ABI3BP: variants seen among roughly 807,000 people sequenced by gnomAD.
The protein encoded by ABI3BP is ABI family member 3 binding protein.
In ABI3BP, 216 loss-of-function variants were observed where a neutral mutation model predicts 268.6. The ratio of observed to expected loss-of-function variants is 0.80; its 90% CI spans 0.72 to 0.90. The LOEUF (loss-of-function observed/expected upper bound fraction) is 0.90. Among genes scored for constraint, ABI3BP ranks in the 40% least tolerant of loss-of-function variants. The pLI is 0.00. For synonymous variants in ABI3BP, 730 were observed against 730.0 expected, an observed-to-expected ratio of 1.00 and a Z score of 0.00; for missense variants, 2,090 against 2,182.4, an observed-to-expected ratio of 0.96 and a Z score of 0.84.
rs754106573 is a variant in ABI3BP, at chr3:100,751,596, C to T, written c.5201G>A (p.Arg1734His). 1.4e-5 allele frequency: 23 copies of T among 1,598,364 alleles called. No homozygotes were observed. Among genetic ancestry groups the T allele is most frequent in the East Asian group, 1.1e-4 (5 of 44,528 alleles). The change falls in exon 67 of 68, where the codon CGC (arginine) becomes CAC (histidine). Residue 1734 changes from arginine (R) to histidine (H), a missense_variant. By Grantham distance (29) the Arg-to-His change is conservative (BLOSUM62 0). Transcript: ENST00000471714. ...GTCAGAAGTGAGTTGCTGCCCAGTGCGTCCATCTAAAAATGAATCCACAAA... is the reference window on the plus strand; with the variant it reads ...GTCAGAAGTGAGTTGCTGCCCAGTGTGTCCATCTAAAAATGAATCCACAAA... ...CQFVDSFLDGRTGQQLTSDQL... is the reference protein window; with the variant it reads ...CQFVDSFLDGHTGQQLTSDQL...
Position 100,750,002 on chromosome 3 carries a change from T to TATAA in ABI3BP, c.*489_*492dup. On this transcript the variant is annotated 3_prime_UTR_variant, in exon 68 of 68. Coordinates refer to ENST00000471714, the MANE Select transcript of ABI3BP (RefSeq NM_001375547.2). ...TAAATATAAAAAATTGAAGTTTAAA[T>TATAA]ATAAATGTGAAAATTCGGACCTTTT... The TATAA allele has an allele frequency of 8.9e-6, 3 of 338,790 alleles. No individual in the cohort carries two copies. The highest frequency in any genetic ancestry group is 1.6e-5 in the Non-Finnish European group (3 of 190,760). The allele number at this position is 338,790 out of a possible 1,614,324, so 21.0% of individuals were successfully genotyped here.
chr3:100,862,634 G>A, intron 13 of ABI3BP: 2 of 586,652 alleles, frequency 3.4e-6, no homozygotes, highest in Non-Finnish European at 5.9e-6. Flanking sequence ...AAGCTAAGTG[G>A]ATTATGTGGA....
At chr3:100,753,971 T>C in intron 64 of ABI3BP, 123 bp from the exon 65 acceptor site, 2 of 984,062 alleles carry the variant, frequency 2.0e-6, no homozygotes, top group Non-Finnish European at 3.1e-6. Context: ...TGGTACTCTT[T>C]TGCTAAGGAT....
chr3:100,758,355 A>G (rs7633285), intron 63 of ABI3BP, among the ~76,000 whole-genome samples: 1,980 of 152,354 alleles, frequency 0.013, 37 homozygotes, highest in African/African-American at 0.046. Context: ...TGAGGATTAA[A>G]TGAGAATGCA....
intron 2 of ABI3BP, among the ~76,000 whole-genome samples, chr3:100,925,866 CT>C (rs5851237): frequency 1 from 152,103 of 152,136 alleles, 76,035 homozygotes; most frequent in Non-Finnish European, 1. Context: ...AAACTTTAAT[CT>C]TTTTTCTCTG....
rs1195571152 is a variant in ABI3BP at position 100,802,997 on chromosome 3, C to G, written c.3757+1795G>C. ...ATGTGTTTGAACACTTCTGAGAAAACTGAAATGTGGTAAGAGTTGCCTTAT... is the reference window on the plus strand; with the variant it reads ...ATGTGTTTGAACACTTCTGAGAAAAGTGAAATGTGGTAAGAGTTGCCTTAT... On this transcript the variant is annotated intron_variant, in intron 51 of 67. Coordinates refer to ENST00000471714, the MANE Select transcript of ABI3BP (RefSeq NM_001375547.2). Among the ~76,000 whole-genome samples the G allele has an allele frequency of 1.4e-5, 2 of 146,204 alleles. 1 individual carries two copies. Among genetic ancestry groups the G allele is most frequent in the Non-Finnish European group, 3.1e-5 (2 of 64,446 alleles).
intron 14 of ABI3BP, among the ~76,000 whole-genome samples, chr3:100,852,855 C>A (rs79033561): frequency 2.4e-4 from 37 of 152,214 alleles, no homozygotes; most frequent in Non-Finnish European, 4.1e-4. Context: ...AAGAGTTGAA[C>A]CTGCAAGCAA....
chr3:100,787,150 C>T (rs1390119421), intron 57 of ABI3BP, among the ~76,000 whole-genome samples: 1 of 151,974 alleles, frequency 6.6e-6, no homozygotes, highest in Non-Finnish European at 1.5e-5. Context: ...GATCAGTGTC[C>T]TAGTTTTTCT....
chr3:100,765,754 AGAGAAGATGATTAT>A, intron 63 of ABI3BP, 73 bp downstream of exon 63: 3 of 1,050,734 alleles, frequency 2.9e-6, no homozygotes, highest in Non-Finnish European at 4.3e-6. Flanking sequence ...CCCTCAAGAC[AGAGAAGATGATTAT>A]CATTTCTTTC....
Position 100,775,283 on chromosome 3 carries a change from C to A in ABI3BP, c.4386G>T (p.Arg1462Ser). ...ITTPPLRSTP[R>S]PTGTPLERIE... ...TTCTCTCCAAGGGAGTTCCAGTAGGCCTGGGTGTTGACCTCAGGGGTGGTG... is the reference window on the plus strand; with the variant it reads ...TTCTCTCCAAGGGAGTTCCAGTAGGACTGGGTGTTGACCTCAGGGGTGGTG... The change falls in exon 60 of 68, where the codon AGG becomes AGT. Residue 1462 changes from arginine to serine, a missense_variant. Coordinates refer to ENST00000471714, the MANE Select transcript of ABI3BP (RefSeq NM_001375547.2). 6.2e-7 allele frequency: 1 copy of A among 1,609,760 alleles called. No individual in the cohort carries two copies. Among genetic ancestry groups the A allele is most frequent in the Non-Finnish European group, 8.5e-7 (1 of 1,177,886 alleles).
chr3:100,841,903 A>G (rs2098709252), intron 21 of ABI3BP, 95 bp downstream of exon 21: 5 of 551,106 alleles, frequency 9.1e-6, no homozygotes, highest in South Asian at 6.9e-5. Context: ...CTGGAGAAGA[A>G]AAAAAAAAAA....
At chr3:100,864,455 A>C (rs2099030179) in intron 11 of ABI3BP, 1 of 331,864 alleles carries the variant, frequency 3.0e-6, no homozygotes, top group Admixed American at 4.5e-5. Context: ...TAGTATGCAC[A>C]AGACTTCCCA....
At chr3:100,909,530 A>C (rs145154825) in intron 2 of ABI3BP, among the ~76,000 whole-genome samples, 128 of 152,364 alleles carry the variant, frequency 8.4e-4, no homozygotes, top group African/African-American at 3.0e-3. Flanking sequence ...ACAAAGGGTT[A>C]ATATCCAGAA....
chr3:100,841,985 A>G lies in ABI3BP; in HGVS notation c.1765+13T>C. 1 of 1,527,364 alleles carries G rather than the reference A, an allele frequency of 6.5e-7. No individual in the cohort carries two copies. Among genetic ancestry groups the G allele is most frequent in the Non-Finnish European group, 8.8e-7 (1 of 1,139,178 alleles). The allele number at this position is 1,527,364 out of a possible 1,614,324, so 94.6% of individuals were successfully genotyped here. A position where few individuals can be genotyped will look rare whatever the true frequency, so the allele number is the denominator to read the frequency against. Reference sequence around the variant, plus strand: ...GATACTTTGTTTTCACTCATTAAAAAAAGCTTTATTACCTATTGTTGACTG... The same window carrying G: ...GATACTTTGTTTTCACTCATTAAAAGAAGCTTTATTACCTATTGTTGACTG... On this transcript the variant is annotated intron_variant, in intron 21 of 67. Coordinates refer to ENST00000471714, the MANE Select transcript of ABI3BP (RefSeq NM_001375547.2).
At chr3:100,987,290 A>G (rs1053645729) in intron 1 of ABI3BP, among the ~76,000 whole-genome samples, 52 of 152,284 alleles carry the variant, frequency 3.4e-4, no homozygotes, top group African/African-American at 1.1e-3. Flanking sequence ...GTAAACTCAC[A>G]TTAGCCTATA....
At chr3:100,846,299 T>C in intron 20 of ABI3BP, 73 bp downstream of exon 20, 1 of 1,005,562 alleles carries the variant, frequency 9.9e-7, no homozygotes, top group East Asian at 2.6e-5. Context: ...CAGAAATTCT[T>C]GCTCCAAATA....
At chr3:100,964,492 A>T (rs1297365193) in intron 1 of ABI3BP, among the ~76,000 whole-genome samples, 1 of 152,126 alleles carries the variant, frequency 6.6e-6, no homozygotes, top group Non-Finnish European at 1.5e-5. Context: ...TCTTCTGCCT[A>T]TTAAACCTCT....
intron 62 of ABI3BP, among the ~76,000 whole-genome samples, chr3:100,766,900 G>A (rs2096292810): frequency 6.6e-6 from 1 of 152,164 alleles, no homozygotes. Flanking sequence ...AGTTATATTA[G>A]GGATTTCTGC....
Position 100,823,506 on chromosome 3 carries a change from T to TCAGCAGGTTCTGTC in ABI3BP, c.2754_2755insGACAGAACCTGCTG (p.Thr919AspfsTer5). The TCAGCAGGTTCTGTC allele has an allele frequency of 6.5e-7, 1 of 1,532,972 alleles. No homozygotes were observed. Among genetic ancestry groups the TCAGCAGGTTCTGTC allele is most frequent in the Non-Finnish European group, 8.7e-7 (1 of 1,145,306 alleles). The allele number at this position is 1,532,972 out of a possible 1,614,324, so 95.0% of individuals were successfully genotyped here. A position where few individuals can be genotyped will look rare whatever the true frequency, so the allele number is the denominator to read the frequency against. On this transcript the variant is annotated frameshift_variant, in exon 37 of 68. Transcript: ENST00000471714. LOFTEE classifies it high-confidence loss of function. ...CTAAGAGTGACAGGTTCTAGGACTG[T>TCAGCAGGTTCTGTC]AGCAGGAACTGACCAAAACAACATG...
Sources: allele counts gnomAD v4.1 joint callset (sites outside exome capture counted in the v4.1 genomes callset), GRCh38; gene constraint gnomAD v4.1.1; transcripts MANE v1.5; gene names NCBI Gene and HGNC (gene_info 2026-07-23, HGNC 2026-07-21).